The following ELK4 variants were observed in gnomAD, a reference collection of about 807,000 sequenced individuals.
ELK4 encodes the protein ETS transcription factor ELK4.
A neutral mutation model predicts 29.6 loss-of-function variants in ELK4; 16 were observed. The observed-to-expected ratio is 0.54, with a 90% CI of 0.37 to 0.82. The LOEUF (loss-of-function observed/expected upper bound fraction) is 0.82. Among genes scored for constraint, ELK4 ranks in the 40% least tolerant of loss-of-function variants. The pLI, the probability that ELK4 is intolerant of heterozygous loss-of-function variation, is 0.00. For missense variants in ELK4, 465 were observed against 507.1 expected, an observed-to-expected ratio of 0.92 and a Z score of 0.80; for synonymous variants, 213 against 191.1, an observed-to-expected ratio of 1.11 and a Z score of -0.95.
At chr1:205,629,862 A>G (rs1670542999) in intron 1 of ELK4, among the ~76,000 whole-genome samples, 1 of 152,150 alleles carries the variant, frequency 6.6e-6, no homozygotes, top group East Asian at 1.9e-4. Flanking sequence ...CGACTGGCCT[A>G]GGCAACATGT....
At chr1:205,616,668 T>C in intron 4 of ELK4, 24 bp from the exon 5 acceptor site, 1 of 1,599,824 alleles carries the variant, frequency 6.3e-7, no homozygotes, top group Non-Finnish European at 8.6e-7. Context: ...CAAAACACAT[T>C]ATCATCCTAT....
In ELK4 at chr1:205,616,645, C is replaced by T. The variant is rs760615170; in HGVS notation, c.1198-1G>A. 5.0e-6 allele frequency: 8 copies of T among 1,610,986 alleles called. No homozygotes were observed. The highest frequency in any genetic ancestry group is 6.8e-6 in the Non-Finnish European group (8 of 1,177,388). On this transcript the variant is annotated splice_acceptor_variant, in intron 4 of 4. Coordinates refer to ENST00000357992, the MANE Select transcript of ELK4 (RefSeq NM_001973.4). LOFTEE classifies it high-confidence loss of function. ...CATGACTGTTCAGTACAGAAGGAAA[C>T]TGAGAAAGAAAACAAAACACATTAT...
rs765042600 is a variant in ELK4 at position 205,620,305 on chromosome 1, A to G, written c.741T>C (p.Thr247=). Residue 247 remains threonine (T), a synonymous_variant, in exon 3 of 5, where the codon ACT becomes ACC. Coordinates refer to ENST00000357992, the MANE Select transcript of ELK4 (RefSeq NM_001973.4). The part of the protein sequence containing the change: ...EAPTSASNVM[T]AFATTPPISS... ...AAATGGGTGGTGTGGTGGCAAAAGC[A>G]GTCATTACGTTAGAGGCAGAGGTTG... is the stretch of plus-strand genomic sequence containing the variant. 1 of 1,614,218 alleles carries G rather than the reference A, an allele frequency of 6.2e-7. No individual in the cohort carries two copies. Among genetic ancestry groups the G allele is most frequent in the South Asian group, 1.1e-5 (1 of 91,086 alleles).
In ELK4 at chr1:205,620,283, T is replaced by C. The variant is rs1172368228; in HGVS notation, c.763A>G (p.Ile255Val). ...VMTAFATTPP[I>V]SSIPPLQEPP... ...TCCTGCAAAGGGGGTATGGACGAAA[T>C]GGGTGGTGTGGTGGCAAAAGCAGTC... is the stretch of plus-strand genomic sequence containing the variant. Residue 255 changes from isoleucine (I) to valine (V), a missense_variant, in exon 3 of 5, where the codon ATT (isoleucine) becomes GTT (valine). By Grantham distance (29) the Ile-to-Val change is conservative. Coordinates refer to ENST00000357992, the MANE Select transcript of ELK4 (RefSeq NM_001973.4). 2.5e-6 allele frequency: 4 copies of C among 1,613,862 alleles called. No individual in the cohort carries two copies. The highest frequency in any genetic ancestry group is 2.7e-5 in the African/African-American group (2 of 74,850).
chr1:205,628,347 A>C (rs140545801), intron 1 of ELK4, among the ~76,000 whole-genome samples: 10 of 152,328 alleles, frequency 6.6e-5, no homozygotes, highest in African/African-American at 2.4e-4. Flanking sequence ...AATCCTGTTA[A>C]AACTACTCTC....
intron 1 of ELK4, 131 bp from the exon 2 acceptor site, chr1:205,624,022 T>C (rs766739904): frequency 4.0e-5 from 32 of 792,850 alleles, no homozygotes; most frequent in Middle Eastern, 3.4e-4. Flanking sequence ...TAGATACTAC[T>C]GCATCCTCAT....
Position 205,619,051 on chromosome 1 carries a change from C to T in ELK4, c.1103G>A (p.Ser368Asn). Reference sequence around the variant, plus strand: ...GAAGTGGATACTGGAGAGCAAGGGGCTTGGAGTCAGTATGATGGGTGTCTG... The same window carrying T: ...GAAGTGGATACTGGAGAGCAAGGGGTTTGGAGTCAGTATGATGGGTGTCTG... The part of the protein sequence containing the change: ...FSQTPIILTP[S>N]PLLSSIHFWS... The change falls in exon 4 of 5, where the codon AGC becomes AAC. Residue 368 changes from serine to asparagine, a missense_variant. Physicochemically the swap from Ser to Asn is conservative, Grantham distance 46. Around this residue, in one of 2 missense-constraint regions of ELK4, gnomAD observed 80 missense variants for 119.6 expected, o/e 0.67. Transcript: ENST00000357992. 1 of 1,603,080 alleles carries T rather than the reference C, an allele frequency of 6.2e-7. No homozygotes were observed. Among genetic ancestry groups the T allele is most frequent in the Non-Finnish European group, 8.5e-7 (1 of 1,176,156 alleles).
intron 3 of ELK4, chr1:205,619,599 T>C (rs1670294269): frequency 1.6e-6 from 2 of 1,235,958 alleles, no homozygotes; most frequent in African/African-American, 1.5e-5. Context: ...ATTTTTCTTA[T>C]GGTTCTCAGG....
rs1386375461 is a variant in ELK4 at position 205,612,492 on chromosome 1, T to C, written c.*4054A>G. The stretch of plus-strand genomic sequence containing the variant: ...CGGTATATAATTTAACATATACCCA[T>C]ATGAATTTTTAATAGGGAAAGTTTT... On this transcript the variant is annotated 3_prime_UTR_variant, in exon 5 of 5. Transcript: ENST00000357992. The C allele has an allele frequency of 9.4e-6, 2 of 213,700 alleles. No homozygotes were observed. Among genetic ancestry groups the C allele is most frequent in the East Asian group, 7.0e-5 (1 of 14,242 alleles). The allele number at this position is 213,700 out of a possible 1,614,324, so 13.2% of individuals were successfully genotyped here.
chr1:205,626,154 T>C lies in ELK4; in HGVS notation c.-9-2263A>G, dbSNP rs139137279. ...TGACCAAAGTGTCTACAGTCTGTGA[T>C]GCTGCTACCCCTGAGCTGGAAGGGG... On this transcript the variant is annotated intron_variant, in intron 1 of 4. Coordinates refer to ENST00000357992, the MANE Select transcript of ELK4 (RefSeq NM_001973.4). The C allele has an allele frequency of 3.5e-3, 2,368 of 676,888 alleles. 31 individuals are homozygous for C. The highest frequency in any genetic ancestry group is 0.026 in the Admixed American group (1,451 of 55,230). The allele number at this position is 676,888 out of a possible 1,614,324, so 41.9% of individuals were successfully genotyped here.
chr1:205,619,820 G>T, intron 3 of ELK4, 146 bp downstream of exon 3: 1 of 1,564,490 alleles, frequency 6.4e-7, no homozygotes, highest in Non-Finnish European at 8.6e-7. Flanking sequence ...TGAGAAATGG[G>T]GTAACTTTCA....
chr1:205,621,096 G>A (rs1670336384), intron 2 of ELK4, among the ~76,000 whole-genome samples: 1 of 150,352 alleles, frequency 6.7e-6, no homozygotes, highest in African/African-American at 2.4e-5. Context: ...TCAGGAGGCC[G>A]AGGCAGGTGA....
chr1:205,628,214 C>T (rs971466720), intron 1 of ELK4, among the ~76,000 whole-genome samples: 7 of 152,228 alleles, frequency 4.6e-5, no homozygotes, highest in Non-Finnish European at 8.8e-5. Flanking sequence ...ATGGTGGAAG[C>T]AGGCAGGGAT....
chr1:205,627,853 C>G (rs1046368094), intron 1 of ELK4, among the ~76,000 whole-genome samples: 4 of 152,140 alleles, frequency 2.6e-5, no homozygotes, highest in Non-Finnish European at 4.4e-5. Context: ...CACTTTGAAG[C>G]TGGTTGTACA....
In ELK4 at chr1:205,608,420, A is replaced by G. The variant is rs1326457432; in HGVS notation, c.*8126T>C. ...ACTCTAGCTACAATCATCCTAATCAATCTTAGAGCAATATCCCTTTGTTTC... is the reference window on the plus strand; with the variant it reads ...ACTCTAGCTACAATCATCCTAATCAGTCTTAGAGCAATATCCCTTTGTTTC... On this transcript the variant is annotated 3_prime_UTR_variant, in exon 5 of 5. Coordinates refer to ENST00000357992, the MANE Select transcript of ELK4 (RefSeq NM_001973.4). The G allele has an allele frequency of 5.0e-6, 1 of 200,632 alleles. No homozygotes were observed. Among genetic ancestry groups the G allele is most frequent in the Non-Finnish European group, 1.0e-5 (1 of 97,356 alleles). 12.4% of individuals were successfully genotyped at this position (200,632 alleles called of 1,614,324 possible).
chr1:205,620,846 T>C lies in ELK4; in HGVS notation c.208-8A>G. The C allele has an allele frequency of 6.3e-7, 1 of 1,582,952 alleles. No homozygotes were observed. Among genetic ancestry groups the C allele is most frequent in the South Asian group, 1.2e-5 (1 of 86,846 alleles). ...CACTTTTTTGATGATATTCTGTAGG[T>C]TAAAAAAAAAAGCATTTTTATCCTT... On this transcript the variant is annotated splice_polypyrimidine_tract_variant and splice_region_variant and intron_variant, in intron 2 of 4. Transcript: ENST00000357992.
intron 1 of ELK4, among the ~76,000 whole-genome samples, chr1:205,628,956 G>A (rs1432861360): frequency 2.0e-5 from 3 of 151,876 alleles, no homozygotes; most frequent in Non-Finnish European, 4.4e-5. Flanking sequence ...AGTAGATCAC[G>A]AGGTCAGGAG....
At position 205,612,144 on chromosome 1, in the gene ELK4, T is replaced by C. The variant is rs1670159796; in HGVS notation, c.*4402A>G. 1.5e-5 allele frequency: 3 copies of C among 199,722 alleles called. No homozygotes were observed. In the Admixed American group the frequency reaches 1.8e-4, roughly 12 times the overall value. The allele number at this position is 199,722 out of a possible 1,614,324, so 12.4% of individuals were successfully genotyped here. ...GAATAAAGCTGTGGAAAACATGTGG[T>C]AATGGATTATTATTTGGGAATTTAT... is the stretch of plus-strand genomic sequence containing the variant. On this transcript the variant is annotated 3_prime_UTR_variant, in exon 5 of 5. Coordinates refer to ENST00000357992, the MANE Select transcript of ELK4 (RefSeq NM_001973.4).
intron 1 of ELK4, among the ~76,000 whole-genome samples, chr1:205,630,493 C>T (rs1163011250): frequency 6.6e-6 from 1 of 152,206 alleles, no homozygotes; most frequent in East Asian, 1.9e-4. Flanking sequence ...TTTCTTCAGC[C>T]TGCTACTTAA....
Sources: gnomAD v4.1 joint callset for allele counts (sites outside exome capture counted in the v4.1 genomes callset) on GRCh38, gnomAD v4.1.1 for gene constraint, gnomAD v4.1.1 regional missense constraint, MANE v1.5 for transcripts, NCBI Gene and HGNC (gene_info 2026-07-23, HGNC 2026-07-21) for gene names.